Variants in FAT3 observed in about 807,000 individuals in gnomAD.
FAT3 encodes FAT atypical cadherin 3, also known as protocadherin Fat 3.
A neutral mutation model predicts 310.2 loss-of-function variants in FAT3; 95 were observed. The ratio of observed to expected loss-of-function variants is 0.31; its 90% CI spans 0.26 to 0.36. The LOEUF (loss-of-function observed/expected upper bound fraction) is 0.36, where lower values mean the gene tolerates loss of function less well. Ranked by LOEUF, FAT3 falls within the 10% of genes least tolerant of loss-of-function variation. The probability of loss-of-function intolerance (pLI) is 1.00; values close to 1 mark genes in which losing one functional copy is unlikely to be tolerated. For missense variants in FAT3, 5,408 were observed against 5,715.6 expected, an observed-to-expected ratio of 0.95 and a Z score of 1.74; for synonymous variants, 2,314 against 2,192.9, an observed-to-expected ratio of 1.06 and a Z score of -1.54.
chr11:92,574,934 G>A (rs150161404), intron 3 of FAT3, among the ~76,000 whole-genome samples: 53 of 152,188 alleles, frequency 3.5e-4, no homozygotes, highest in African/African-American at 1.3e-3. Context: ...TTAACTCAAG[G>A]TTCCAGGATT....
In FAT3 at chr11:92,387,063, A is replaced by AGTGTGTGTGT. The variant is rs67529435; in HGVS notation, c.3292+31698_3292+31707dup. ...GCAATGCCCAAGGATTATGGGAGCTAGTGTGTGTGTGTGTGTGTGTGTGTG... is the reference window on the plus strand; with the variant it reads ...GCAATGCCCAAGGATTATGGGAGCTAGTGTGTGTGTGTGTGTGTGTGTGTGTGTGTGTGTG... On this transcript the variant is annotated intron_variant, in intron 2 of 27. Coordinates refer to ENST00000525166, the MANE Select transcript of FAT3 (RefSeq NM_001367949.2). Among the ~76,000 whole-genome samples, 213 of 144,240 alleles carry AGTGTGTGTGT rather than the reference A, an allele frequency of 1.5e-3. 3 individuals carry two copies. The highest frequency in any genetic ancestry group is 5.4e-3 in the African/African-American group (204 of 37,878). 94.6% of individuals were successfully genotyped at this position (144,240 alleles called of 152,430 possible).
intron 4 of FAT3, among the ~76,000 whole-genome samples, chr11:92,717,909 G>A (rs1944736029): frequency 6.6e-6 from 1 of 152,216 alleles, no homozygotes; most frequent in African/African-American, 2.4e-5. Context: ...TGAGTAAACT[G>A]GATGGTAGCA....
chr11:92,465,613 A>G (rs1226014878), intron 2 of FAT3, among the ~76,000 whole-genome samples: 1 of 152,108 alleles, frequency 6.6e-6, no homozygotes, highest in East Asian at 1.9e-4. Flanking sequence ...TGCCACAAGG[A>G]CAGAAAACCA....
chr11:92,466,453 C>T (rs1951762275), intron 2 of FAT3, among the ~76,000 whole-genome samples: 1 of 151,944 alleles, frequency 6.6e-6, no homozygotes, highest in Admixed American at 6.6e-5. Flanking sequence ...GTCTTGTTTT[C>T]GAAGCCATGC....
intron 2 of FAT3, among the ~76,000 whole-genome samples, chr11:92,384,535 T>C (rs903820474): frequency 6.6e-6 from 1 of 152,178 alleles, no homozygotes; most frequent in African/African-American, 2.4e-5. Flanking sequence ...CCCCATGATG[T>C]GTTGATTCAT....
At chr11:92,316,541 C>T (rs962823717) in intron 1 of FAT3, among the ~76,000 whole-genome samples, 3 of 152,194 alleles carry the variant, frequency 2.0e-5, no homozygotes, top group Non-Finnish European at 4.4e-5. Flanking sequence ...CTTGAGTACT[C>T]TACAATTGAC....
intron 2 of FAT3, among the ~76,000 whole-genome samples, chr11:92,389,422 C>G (rs1284462949): frequency 1.3e-5 from 2 of 152,028 alleles, no homozygotes; most frequent in Non-Finnish European, 2.9e-5. Context: ...ATGTTTACAA[C>G]TTCATAAGGT....
chr11:92,375,525 C>CTAACGGAGATGAAG (rs1555027028), intron 2 of FAT3, among the ~76,000 whole-genome samples: 1 of 151,840 alleles, frequency 6.6e-6, no homozygotes. Flanking sequence ...GAAGATGAGA[C>CTAACGGAGATGAAG]TTATTTTCCC....
intron 3 of FAT3, among the ~76,000 whole-genome samples, chr11:92,563,390 G>T (rs888787930): frequency 6.6e-5 from 10 of 152,074 alleles, no homozygotes; most frequent in African/African-American, 2.4e-4. Flanking sequence ...TTTTGAGCAG[G>T]CATTCCCCCA....
At chr11:92,708,919 G>T (rs1441919845) in intron 4 of FAT3, among the ~76,000 whole-genome samples, 1 of 152,150 alleles carries the variant, frequency 6.6e-6, no homozygotes, top group Non-Finnish European at 1.5e-5. Context: ...GTCAACCGTG[G>T]GTCTGGCATG....
At chr11:92,754,627 C>CAAA (rs71064722) in intron 4 of FAT3, among the ~76,000 whole-genome samples, 1 of 32,716 alleles carries the variant, frequency 3.1e-5, no homozygotes, top group African/African-American at 2.3e-4. Flanking sequence ...GACTCTGCCT[C>CAAA]AAAAAAAAAA....
intron 2 of FAT3, among the ~76,000 whole-genome samples, chr11:92,465,438 C>G (rs966341492): frequency 1.3e-5 from 2 of 152,124 alleles, no homozygotes; most frequent in African/African-American, 2.4e-5. Flanking sequence ...TAAAAGTGTT[C>G]CTGTTTCTCC....
chr11:92,452,586 G>C (rs1296736845), intron 2 of FAT3, among the ~76,000 whole-genome samples: 1 of 152,070 alleles, frequency 6.6e-6, no homozygotes, highest in African/African-American at 2.4e-5. Flanking sequence ...ACTACAATGG[G>C]ACCACATACC....
chr11:92,844,789 G>A (rs1422981466), intron 19 of FAT3, 57 bp downstream of exon 19: 4 of 1,433,156 alleles, frequency 2.8e-6, no homozygotes, highest in Non-Finnish European at 3.7e-6. Context: ...AGTAGAATGA[G>A]TTACCATTCC....
At chr11:92,337,069 T>C (rs1165065629) in intron 1 of FAT3, among the ~76,000 whole-genome samples, 2 of 152,206 alleles carry the variant, frequency 1.3e-5, no homozygotes, top group African/African-American at 2.4e-5. Flanking sequence ...TTCCTGCCTC[T>C]TAACATCCCT....
intron 1 of FAT3, among the ~76,000 whole-genome samples, chr11:92,271,924 TG>T: frequency 6.6e-6 from 1 of 152,284 alleles, no homozygotes; most frequent in East Asian, 1.9e-4. Context: ...TGACAACTCT[TG>T]GAATAAGTCT....
At position 92,523,288 on chromosome 11, in the gene FAT3, C is replaced by CCATT. The variant is rs1158782681; in HGVS notation, c.3293-1345_3293-1342dup. Among the ~76,000 whole-genome samples, 3 of 152,206 alleles carry CCATT rather than the reference C, an allele frequency of 2.0e-5. No individual in the cohort carries two copies. In the East Asian group the frequency reaches 5.8e-4, roughly 29 times the overall value. ...GATATCAGCCATATTCTATAGGAACCCATTGTTTTACATATTTCCATTTAG... is the reference window on the plus strand; with the variant it reads ...GATATCAGCCATATTCTATAGGAACCCATTCATTGTTTTACATATTTCCATTTAG... On this transcript the variant is annotated intron_variant, in intron 2 of 27. Coordinates refer to ENST00000525166, the MANE Select transcript of FAT3 (RefSeq NM_001367949.2).
At chr11:92,864,823 A>G (rs922624684) in intron 21 of FAT3, among the ~76,000 whole-genome samples, 1 of 152,182 alleles carries the variant, frequency 6.6e-6, no homozygotes, top group Non-Finnish European at 1.5e-5. Flanking sequence ...CTAAAAAAAA[A>G]GAAGAAGAAA....
At chr11:92,738,432 C>T (rs1031942088) in intron 4 of FAT3, among the ~76,000 whole-genome samples, 4 of 152,178 alleles carry the variant, frequency 2.6e-5, no homozygotes, top group South Asian at 2.1e-4. Flanking sequence ...GTCTCGCTTC[C>T]GCATCCCTTT....
Sources: allele counts gnomAD v4.1 joint callset (sites outside exome capture counted in the v4.1 genomes callset), GRCh38; gene constraint gnomAD v4.1.1; transcripts MANE v1.5; gene names NCBI Gene and HGNC (gene_info 2026-07-23, HGNC 2026-07-21).